USP25: variants seen among roughly 807,000 people sequenced by gnomAD.
USP25 encodes the protein ubiquitin carboxyl-terminal hydrolase 25.
A neutral mutation model predicts 158.5 loss-of-function variants in USP25; 85 were observed. The observed-to-expected ratio is 0.54, with a 90% CI of 0.45 to 0.64. The LOEUF (loss-of-function observed/expected upper bound fraction) is 0.64. Among genes scored for constraint, USP25 ranks in the 30% least tolerant of loss-of-function variants. The pLI is 0.00. For missense variants in USP25, 1,242 were observed against 1,327.3 expected (o/e 0.94, Z 1.00); for synonymous variants, 464 against 460.4 (o/e 1.01, Z -0.10).
intron 18 of USP25, among the ~76,000 whole-genome samples, chr21:15,847,128 A>T (rs1394328028): frequency 6.6e-6 from 1 of 152,192 alleles, no homozygotes; most frequent in Non-Finnish European, 1.5e-5. Context: ...TACCAAAAAC[A>T]ATAGAAGGAT....
At position 15,765,675 on chromosome 21, in the gene USP25, G is replaced by C. The variant is rs868597993; in HGVS notation, c.124-322G>C. 2.0e-5 allele frequency among the ~76,000 whole-genome samples: 3 copies of C among 152,022 alleles called. No individual in the cohort carries two copies. In the South Asian group the frequency reaches 6.2e-4, roughly 31 times the overall value. On this transcript the variant is annotated intron_variant, in intron 2 of 25. Transcript: ENST00000400183. ...GCACTCTTTCGTATGGCAAGTTCCA[G>C]AAGACCTTTTTTAGTTTATTTGTTC...
intron 7 of USP25, chr21:15,805,794 GAAATT>G (rs1379163052): frequency 2.0e-5 from 3 of 152,036 alleles, no homozygotes; most frequent in Admixed American, 6.6e-5. Flanking sequence ...AAAAATCAGA[GAAATT>G]AAAGAAGGAA....
intron 24 of USP25, chr21:15,876,324 A>G (rs373001132): frequency 3.9e-5 from 6 of 152,162 alleles, no homozygotes; most frequent in Non-Finnish European, 7.4e-5. Context: ...AAAATACCCT[A>G]TTATTAATAT....
chr21:15,737,100 T>G (rs2031594874), intron 1 of USP25, among the ~76,000 whole-genome samples: 1 of 152,132 alleles, frequency 6.6e-6, no homozygotes, highest in African/African-American at 2.4e-5. Flanking sequence ...TTCCTCATCT[T>G]CATTTAAAAC....
intron 23 of USP25, among the ~76,000 whole-genome samples, chr21:15,871,095 G>A (rs1048733137): frequency 6.6e-6 from 1 of 152,004 alleles, no homozygotes; most frequent in Admixed American, 6.6e-5. Context: ...CTATTCTAGA[G>A]GACAGTACTT....
intron 9 of USP25, among the ~76,000 whole-genome samples, chr21:15,814,112 A>G (rs114960486): frequency 0.015 from 2,235 of 149,616 alleles, 62 homozygotes; most frequent in African/African-American, 0.052. Context: ...AAAATGAGGT[A>G]GAAGTAAAAG....
chr21:15,771,015 C>T (rs924032451), intron 3 of USP25, among the ~76,000 whole-genome samples: 4 of 152,190 alleles, frequency 2.6e-5, no homozygotes, highest in African/African-American at 7.2e-5. Flanking sequence ...GATATGTTCT[C>T]ATCTTCTAAT....
At chr21:15,833,724 A>T (rs1250481126) in intron 17 of USP25, among the ~76,000 whole-genome samples, 176 bp downstream of exon 17, 1 of 152,142 alleles carries the variant, frequency 6.6e-6, no homozygotes, top group African/African-American at 2.4e-5. Flanking sequence ...TTTGCCAGAC[A>T]CCACTGTATA....
In USP25 at chr21:15,805,127, C is replaced by G; in HGVS notation, c.649C>G (p.Arg217Gly). The change falls in exon 7 of 26, where the codon CGG becomes GGG. Residue 217 changes from arginine to glycine, a missense_variant. Around this residue, in one of 3 missense-constraint regions of USP25, gnomAD observed 627 missense variants for 701.4 expected, o/e 0.89. Coordinates refer to ENST00000400183, the MANE Select transcript of USP25 (RefSeq NM_001283041.3). ...QDLPRNQKEH[R>G]NLPFMRELRY... ...TGTTTTTTTCCTTCAATAGGAACATCGGAATTTGCCTTTTATGCGTGAGCT... is the reference window on the plus strand; with the variant it reads ...TGTTTTTTTCCTTCAATAGGAACATGGGAATTTGCCTTTTATGCGTGAGCT... 1 of 1,582,974 alleles carries G rather than the reference C, an allele frequency of 6.3e-7. No homozygotes were observed. Among genetic ancestry groups the G allele is most frequent in the Non-Finnish European group, 8.6e-7 (1 of 1,169,398 alleles).
intron 20 of USP25, among the ~76,000 whole-genome samples, chr21:15,850,448 G>T (rs1601124175): frequency 6.6e-6 from 1 of 151,708 alleles, no homozygotes; most frequent in Non-Finnish European, 1.5e-5. Flanking sequence ...TCTAATATCA[G>T]AGCTTTACAA....
intron 4 of USP25, among the ~76,000 whole-genome samples, chr21:15,790,760 A>G (rs898645741): frequency 2.0e-5 from 3 of 150,958 alleles, no homozygotes; most frequent in African/African-American, 7.3e-5. Context: ...AGTTATGATT[A>G]TACTTATGTT....
intron 5 of USP25, among the ~76,000 whole-genome samples, chr21:15,793,347 G>A (rs1374030199): frequency 2.0e-5 from 3 of 151,390 alleles, no homozygotes; most frequent in Non-Finnish European, 4.4e-5. Context: ...TGTTTTAGTA[G>A]GATAAAACTT....
At chr21:15,824,002 G>A (rs909067875) in intron 10 of USP25, 37 bp from the exon 11 acceptor site, 17 of 1,588,930 alleles carry the variant, frequency 1.1e-5, no homozygotes, top group Non-Finnish European at 1.4e-5. Flanking sequence ...AACAAAGGTG[G>A]TATTAAAGTT....
chr21:15,776,309 G>A (rs1568789544), intron 3 of USP25, among the ~76,000 whole-genome samples: 1 of 151,246 alleles, frequency 6.6e-6, no homozygotes, highest in Non-Finnish European at 1.5e-5. Context: ...ATACACTTTT[G>A]TGAGGTTTTA....
chr21:15,743,790 C>G (rs1308135680), intron 1 of USP25, among the ~76,000 whole-genome samples: 1 of 151,944 alleles, frequency 6.6e-6, no homozygotes, highest in Non-Finnish European at 1.5e-5. Context: ...AGGAATTGGT[C>G]TACTGTGGCG....
At chr21:15,771,063 C>A (rs1337495083) in intron 3 of USP25, among the ~76,000 whole-genome samples, 1 of 152,180 alleles carries the variant, frequency 6.6e-6, no homozygotes, top group Non-Finnish European at 1.5e-5. Flanking sequence ...GTTTTTATCT[C>A]TATTCTGTAT....
chr21:15,814,022 G>C (rs544768971), intron 9 of USP25, among the ~76,000 whole-genome samples: 1 of 151,112 alleles, frequency 6.6e-6, no homozygotes, highest in Non-Finnish European at 1.5e-5. Flanking sequence ...GGTCTTTCTC[G>C]TGCTATTCTT....
In USP25 at chr21:15,826,077, TA is replaced by T. The variant is rs147414131; in HGVS notation, c.1305-124del. On this transcript the variant is annotated intron_variant, in intron 12 of 25. Transcript: ENST00000400183. The surrounding 1 kb of genome is among the most constrained non-coding windows in gnomAD (Gnocchi z 4.8). The stretch of plus-strand genomic sequence containing the variant: ...ATATTCAGTTTTACCATCTTCGTTT[TA>T]AAGCAAATGAATTTTATTGCTGAGG... 3.0e-3 allele frequency: 3,203 copies of T among 1,074,232 alleles called. 56 individuals carry two copies. The African/African-American group carries it at 0.043, about 15-fold the overall frequency. The allele number at this position is 1,074,232 out of a possible 1,614,324, so 66.5% of individuals were successfully genotyped here. A position where few individuals can be genotyped will look rare whatever the true frequency, so the allele number is the denominator to read the frequency against.
In USP25 at chr21:15,874,454, A is replaced by C. The variant is rs1226207728; in HGVS notation, c.2937A>C (p.Glu979Asp). The C allele has an allele frequency of 6.2e-7, 1 of 1,611,178 alleles. No homozygotes were observed. Among genetic ancestry groups the C allele is most frequent in the Non-Finnish European group, 8.5e-7 (1 of 1,178,540 alleles). The change falls in exon 24 of 26, where the codon GAA becomes GAC. Residue 979 changes from glutamate (E) to aspartate (D), a missense_variant. Around this residue, in one of 3 missense-constraint regions of USP25, gnomAD observed 608 missense variants for 605.2 expected, o/e 1.00. Transcript: ENST00000400183. The stretch of plus-strand genomic sequence containing the variant: ...TCTGTGCTTATCAGAATAACAAAGA[A>C]CTCTTGTCTAAAGGCTTATACAGAG... ...FLICAYQNNK[E>D]LLSKGLYRGH...
Sources: gnomAD v4.1 joint callset for allele counts (sites outside exome capture counted in the v4.1 genomes callset) on GRCh38, gnomAD v4.1.1 for gene constraint, gnomAD v4.1.1 regional missense constraint, Gnocchi (gnomAD v3.1) non-coding constraint, MANE v1.5 for transcripts, NCBI Gene and HGNC (gene_info 2026-07-23, HGNC 2026-07-21) for gene names.